CFH: variants seen among roughly 807,000 people sequenced by gnomAD.
CFH encodes H factor 1 (complement).
A neutral mutation model predicts 147.3 loss-of-function variants in CFH; 53 were observed. The ratio of observed to expected loss-of-function variants is 0.36; its 90% CI spans 0.29 to 0.45. The LOEUF (loss-of-function observed/expected upper bound fraction) is 0.45, where lower values mean the gene tolerates loss of function less well. CFH is among the 20% of genes least tolerant of loss of function. CFH has a pLI of 1.00. For synonymous variants in CFH, 536 were observed against 489.4 expected (o/e 1.10, Z -1.26); for missense variants, 1,380 against 1,498.0 (o/e 0.92, Z 1.30).
Position 196,737,456 on chromosome 1 carries a change from A to G in CFH, c.2597-19A>G. The G allele has an allele frequency of 6.3e-7, 1 of 1,578,446 alleles. No individual in the cohort carries two copies. Among genetic ancestry groups the G allele is most frequent in the Non-Finnish European group, 8.7e-7 (1 of 1,150,516 alleles). On this transcript the variant is annotated intron_variant, in intron 16 of 21. Transcript: ENST00000367429. The stretch of plus-strand genomic sequence containing the variant: ...TATTTTATTTGTTTTTAACCCTTTG[A>G]TTTTCATTCTTCATTTAGAAAAAAT...
intron 1 of CFH, among the ~76,000 whole-genome samples, chr1:196,668,643 A>G (rs1348251064): frequency 1.3e-5 from 2 of 152,166 alleles, no homozygotes; most frequent in Non-Finnish European, 2.9e-5. Flanking sequence ...TGGTTTAAGC[A>G]TCTGGCATTT....
intron 18 of CFH, chr1:196,741,062 C>A: frequency 2.3e-6 from 1 of 434,310 alleles, no homozygotes; most frequent in Non-Finnish European, 4.2e-6. Context: ...GCACAGCTGC[C>A]TCTACTCATC....
Position 196,747,297 on chromosome 1 carries a change from C to T in CFH, c.3680C>T (p.Thr1227Ile), listed in dbSNP as rs773524517. 7.4e-6 allele frequency: 12 copies of T among 1,614,030 alleles called. No individual in the cohort carries two copies. Among genetic ancestry groups the T allele is most frequent in the Non-Finnish European group, 9.3e-6 (11 of 1,179,966 alleles). The change falls in exon 22 of 22, where the codon ACT becomes ATT. Residue 1227 changes from threonine (T) to isoleucine (I), a missense_variant. Thr to Ile is a moderately conservative substitution (Grantham distance 89). This residue lies in a region of CFH where 123 missense variants were observed against 185.3 expected (regional missense o/e 0.66). Transcript: ENST00000367429. ...TGGGATGGGAAACTGGAGTATCCAA[C>T]TTGTGCAAAAAGATAGAATCAATCA... Reference protein sequence around the residue: ...TCWDGKLEYPTCAKR With the variant: ...TCWDGKLEYPICAKR
Position 196,673,963 on chromosome 1 carries a change from G to A in CFH, c.350+1G>A, listed in dbSNP as rs1313226757. On this transcript the variant is annotated splice_donor_variant, in intron 3 of 21. Coordinates refer to ENST00000367429, the MANE Select transcript of CFH (RefSeq NM_000186.4). LOFTEE classifies it high-confidence loss of function. ...AAGCTGTGTATACATGTAATGAGGG[G>A]TATGTAGTCCATACGAAAAGAGGTT... 1.3e-6 allele frequency: 2 copies of A among 1,584,800 alleles called. No individual in the cohort carries two copies. The highest frequency in any genetic ancestry group is 8.7e-7 in the Non-Finnish European group (1 of 1,153,592).
At chr1:196,710,184 G>A (rs203681) in intron 9 of CFH, among the ~76,000 whole-genome samples, 5 of 152,066 alleles carry the variant, frequency 3.3e-5, no homozygotes, top group South Asian at 4.1e-4. Context: ...TTTCTAGCCC[G>A]TCACCCTCCA....
In CFH at chr1:196,745,800, G is replaced by A. The variant is rs1252934821; in HGVS notation, c.3311-17G>A. The A allele has an allele frequency of 9.3e-6, 15 of 1,613,852 alleles. No individual in the cohort carries two copies. The highest frequency in any genetic ancestry group is 3.3e-5 in the Admixed American group (2 of 59,994). On this transcript the variant is annotated splice_polypyrimidine_tract_variant and intron_variant, in intron 20 of 21. Transcript: ENST00000367429. ...TTGCTCTCACAACAAATCAAGTGAT[G>A]AAATGATGTTTTTTAGATTCTACAG...
chr1:196,742,944 T>C (rs1652862348), intron 19 of CFH, among the ~76,000 whole-genome samples: 1 of 152,200 alleles, frequency 6.6e-6, no homozygotes, highest in African/African-American at 2.4e-5. Context: ...TCCTTTTAAC[T>C]TGGGTAATTT....
chr1:196,717,265 T>C (rs1467870607), intron 11 of CFH, among the ~76,000 whole-genome samples: 3 of 152,148 alleles, frequency 2.0e-5, no homozygotes, highest in African/African-American at 7.2e-5. Flanking sequence ...CTTTGTTGAC[T>C]CTTTCTTGTT....
chr1:196,729,888 G>T (rs145548457), intron 15 of CFH, among the ~76,000 whole-genome samples: 62 of 151,662 alleles, frequency 4.1e-4, no homozygotes, highest in African/African-American at 1.4e-3. Context: ...TGCTAATAAC[G>T]GTCTCTCATT....
chr1:196,712,437 G>A (rs934965356), intron 9 of CFH, among the ~76,000 whole-genome samples: 13 of 150,774 alleles, frequency 8.6e-5, no homozygotes, highest in Admixed American at 6.6e-4. Flanking sequence ...TTCCCTCTGA[G>A]GATTGTTCGA....
At position 196,679,332 on chromosome 1, in the gene CFH, C is replaced by T. The variant is rs1305321044; in HGVS notation, c.620-291C>T. On this transcript the variant is annotated intron_variant, in intron 5 of 21. Coordinates refer to ENST00000367429, the MANE Select transcript of CFH (RefSeq NM_000186.4). ...ATTCAGTGAAAACATCACAATAAAA[C>T]TATATTTATGATCAATTTTATTTAT... 2.6e-5 allele frequency: 6 copies of T among 228,744 alleles called. No individual in the cohort carries two copies. The South Asian group carries it at 3.2e-4, about 12-fold the overall frequency. 14.2% of individuals were successfully genotyped at this position (228,744 alleles called of 1,614,324 possible).
chr1:196,723,826 T>G (rs891774538), intron 11 of CFH, among the ~76,000 whole-genome samples: 1 of 152,030 alleles, frequency 6.6e-6, no homozygotes, highest in African/African-American at 2.4e-5. Flanking sequence ...ACATGACCAG[T>G]GGAGTTGTAG....
At chr1:196,669,566 A>T (rs544340274) in intron 1 of CFH, among the ~76,000 whole-genome samples, 1 of 152,336 alleles carries the variant, frequency 6.6e-6, no homozygotes, top group African/African-American at 2.4e-5. Flanking sequence ...ATTGCTTCAG[A>T]TAATGAAAGC....
chr1:196,742,347 C>T (rs532969108), intron 19 of CFH, among the ~76,000 whole-genome samples: 3 of 151,992 alleles, frequency 2.0e-5, no homozygotes, highest in South Asian at 2.1e-4. Context: ...CTGCACTCCA[C>T]CCAGGGTGAC....
At chr1:196,703,734 C>T (rs1377835407) in intron 9 of CFH, among the ~76,000 whole-genome samples, 1 of 151,928 alleles carries the variant, frequency 6.6e-6, no homozygotes, top group Non-Finnish European at 1.5e-5. Flanking sequence ...CCTGTAATGC[C>T]AGCACCTTGG....
chr1:196,745,486 T>C (rs1314480572), intron 20 of CFH, among the ~76,000 whole-genome samples: 3 of 152,200 alleles, frequency 2.0e-5, no homozygotes, highest in Admixed American at 2.0e-4. Context: ...ATAATTCCTA[T>C]GGGATTTTTC....
At chr1:196,665,524 A>G (rs1342359059) in intron 1 of CFH, among the ~76,000 whole-genome samples, 1 of 152,074 alleles carries the variant, frequency 6.6e-6, no homozygotes, top group South Asian at 2.1e-4. Context: ...TCTACCTGGC[A>G]TTTGTGTGCA....
At chr1:196,696,763 G>A (rs1668287041) in intron 9 of CFH, among the ~76,000 whole-genome samples, 1 of 152,108 alleles carries the variant, frequency 6.6e-6, no homozygotes, top group Non-Finnish European at 1.5e-5. Context: ...TATACTACAA[G>A]CCCACAGTAA....
At chr1:196,714,701 A>AGAGAGAGGGAGAGG (rs1553278115) in intron 10 of CFH, among the ~76,000 whole-genome samples, 1 of 69,246 alleles carries the variant, frequency 1.4e-5, no homozygotes, top group South Asian at 6.8e-4. Flanking sequence ...AGAGAGAGAG[A>AGAGAGAGGGAGAGG]GAGAGAGAGA....
Sources: gnomAD v4.1 joint callset for allele counts (sites outside exome capture counted in the v4.1 genomes callset) on GRCh38, gnomAD v4.1.1 for gene constraint, gnomAD v4.1.1 regional missense constraint, MANE v1.5 for transcripts, NCBI Gene and HGNC (gene_info 2026-07-23, HGNC 2026-07-21) for gene names.